Variants in MEIKIN observed in about 807,000 individuals in gnomAD.
MEIKIN encodes meiosis-specific kinetochore protein.
intron 9 of MEIKIN, among the ~76,000 whole-genome samples, chr5:131,875,343 A>G (rs1271782534): frequency 6.6e-6 from 1 of 152,170 alleles, no homozygotes; most frequent in Non-Finnish European, 1.5e-5. Flanking sequence ...ATTCTTATAC[A>G]CCAATAACAG....
chr5:131,869,807 C>T (rs894631153), intron 9 of MEIKIN, among the ~76,000 whole-genome samples: 1 of 152,194 alleles, frequency 6.6e-6, no homozygotes, highest in Non-Finnish European at 1.5e-5. Flanking sequence ...GGTTTTCCTA[C>T]CCTGGCAATG....
At chr5:131,819,360 G>A (rs1749436757) in intron 11 of MEIKIN, among the ~76,000 whole-genome samples, 1 of 149,976 alleles carries the variant, frequency 6.7e-6, no homozygotes, top group Non-Finnish European at 1.5e-5. Context: ...CCAATACCCT[G>A]GGAGGCCAAT....
chr5:131,834,488 T>C (rs897590014), intron 11 of MEIKIN, among the ~76,000 whole-genome samples: 3 of 152,184 alleles, frequency 2.0e-5, no homozygotes, highest in African/African-American at 7.2e-5. Flanking sequence ...CATCTCTCCA[T>C]TTCCCCCAGC....
chr5:131,867,069 G>A (rs1580879742), intron 9 of MEIKIN, among the ~76,000 whole-genome samples: 2 of 152,002 alleles, frequency 1.3e-5, no homozygotes, highest in East Asian at 3.8e-4. Flanking sequence ...ATAAATAACT[G>A]TTACTTCCTC....
intron 8 of MEIKIN, among the ~76,000 whole-genome samples, chr5:131,892,214 G>A (rs1327049109): frequency 6.6e-6 from 1 of 152,100 alleles, no homozygotes; most frequent in African/African-American, 2.4e-5. Flanking sequence ...TCTTCTCGAG[G>A]AGTATCTTTG....
At chr5:131,880,282 T>C (rs1260671274) in intron 8 of MEIKIN, among the ~76,000 whole-genome samples, 3 of 147,796 alleles carry the variant, frequency 2.0e-5, no homozygotes, top group South Asian at 4.2e-4. Context: ...TTTTTTTTTT[T>C]AGTAGAGACA....
chr5:131,812,046 C>A (rs1772967391), intron 12 of MEIKIN, among the ~76,000 whole-genome samples: 1 of 152,142 alleles, frequency 6.6e-6, no homozygotes, highest in Admixed American at 6.5e-5. Flanking sequence ...CCTTGTAATC[C>A]CTTCCAAGTA....
chr5:131,826,086 C>CTTTTTTTTTTTTTTTTTTTTTT (rs35951729), intron 11 of MEIKIN, among the ~76,000 whole-genome samples: 1 of 124,992 alleles, frequency 8.0e-6, no homozygotes, highest in African/African-American at 3.0e-5. Context: ...TTCTTGTTTT[C>CTTTTTTTTTTTTTTTTTTTTTT]TTTTTTTTTT....
chr5:131,928,633 A>G (rs1197345835), intron 5 of MEIKIN, among the ~76,000 whole-genome samples: 2 of 152,194 alleles, frequency 1.3e-5, no homozygotes, highest in Non-Finnish European at 2.9e-5. Flanking sequence ...TAACTCGTAT[A>G]CCAGAACTAA....
chr5:131,894,485 T>G (rs1044416542), intron 8 of MEIKIN, among the ~76,000 whole-genome samples: 19 of 152,366 alleles, frequency 1.2e-4, no homozygotes, highest in African/African-American at 3.8e-4. Flanking sequence ...TAAATTACCT[T>G]GGGCAGTATG....
intron 11 of MEIKIN, among the ~76,000 whole-genome samples, chr5:131,831,152 C>T (rs1227263684): frequency 6.6e-6 from 1 of 152,194 alleles, no homozygotes; most frequent in Non-Finnish European, 1.5e-5. Context: ...CCTGCCTCAG[C>T]CTCCCAAAGT....
chr5:131,901,744 C>A (rs185274018), intron 8 of MEIKIN, among the ~76,000 whole-genome samples: 3 of 152,080 alleles, frequency 2.0e-5, no homozygotes, highest in South Asian at 2.1e-4. Flanking sequence ...CTTGGCCCCC[C>A]ACAAAATCTT....
At chr5:131,807,464 T>C (rs1202709685) in intron 12 of MEIKIN, among the ~76,000 whole-genome samples, 1 of 152,116 alleles carries the variant, frequency 6.6e-6, no homozygotes, top group Non-Finnish European at 1.5e-5. Context: ...TGAGGACATG[T>C]TCTCTTTGGA....
At chr5:131,817,985 A>G (rs548147580) in intron 12 of MEIKIN, among the ~76,000 whole-genome samples, 1 of 152,308 alleles carries the variant, frequency 6.6e-6, no homozygotes, top group South Asian at 2.1e-4. Context: ...CAAAGAAAAA[A>G]CAAAACAAAA....
Position 131,875,755 on chromosome 5 carries a change from C to T in MEIKIN, c.774+3223G>A, listed in dbSNP as rs1256970509. On this transcript the variant is annotated intron_variant, in intron 9 of 12. Coordinates refer to ENST00000442687, the MANE Select transcript of MEIKIN (RefSeq NM_001303622.2). The stretch of plus-strand genomic sequence containing the variant: ...CCTGATTTCAAACTATACTACCAGG[C>T]TACAGTAACCAAAACAGCATGGTAC... Among the ~76,000 whole-genome samples the T allele has an allele frequency of 2.0e-5, 3 of 152,162 alleles. No individual in the cohort carries two copies. The East Asian group carries it at 5.8e-4, about 29-fold the overall frequency.
intron 8 of MEIKIN, among the ~76,000 whole-genome samples, chr5:131,892,489 T>A (rs1750943427): frequency 1.3e-5 from 2 of 152,236 alleles, no homozygotes; most frequent in Admixed American, 6.5e-5. Flanking sequence ...TGATACCCGT[T>A]CTTCCAGTTG....
intron 9 of MEIKIN, among the ~76,000 whole-genome samples, chr5:131,865,297 G>A (rs1416374070): frequency 6.6e-6 from 1 of 151,800 alleles, no homozygotes; most frequent in Non-Finnish European, 1.5e-5. Context: ...TCCACTCACT[G>A]CAAGCTCCGC....
At chr5:131,927,902 T>C (rs1324687059) in intron 5 of MEIKIN, among the ~76,000 whole-genome samples, 1 of 151,814 alleles carries the variant, frequency 6.6e-6, no homozygotes, top group Non-Finnish European at 1.5e-5. Context: ...TCCCAGCACT[T>C]TGGGAGTCCG....
intron 11 of MEIKIN, among the ~76,000 whole-genome samples, chr5:131,845,136 C>G (rs6596037): frequency 1 from 151,594 of 152,062 alleles, 75,565 homozygotes; most frequent in Middle Eastern, 1. Flanking sequence ...CAGGCATGGT[C>G]GTGGGCACCT....
Sources: allele counts gnomAD v4.1 joint callset (sites outside exome capture counted in the v4.1 genomes callset), GRCh38; gene constraint gnomAD v4.1.1; transcripts MANE v1.5; gene names NCBI Gene and HGNC (gene_info 2026-07-23, HGNC 2026-07-21).